The following PCDHA7 variants were observed in gnomAD, a reference collection of about 807,000 sequenced individuals.
PCDHA7 encodes protocadherin alpha-7.
A neutral mutation model predicts 57.2 loss-of-function variants in PCDHA7; 37 were observed. That is an observed-to-expected ratio of 0.65 (90% CI 0.50 to 0.85). The LOEUF is 0.85. Ranked by LOEUF, PCDHA7 falls within the 40% of genes least tolerant of loss-of-function variation. The pLI is 0.00. For missense variants in PCDHA7, 1,188 were observed against 1,241.8 expected (o/e 0.96, Z 0.65); for synonymous variants, 553 against 558.8 (o/e 0.99, Z 0.15).
At chr5:140,940,390 T>C (rs2092601477) in intron 1 of PCDHA7, among the ~76,000 whole-genome samples, 1 of 152,194 alleles carries the variant, frequency 6.6e-6, no homozygotes. Flanking sequence ...ATTTTGGTTA[T>C]TGTGTTTTTC....
rs782699904 is a variant in PCDHA7 at position 140,969,414 on chromosome 5, G to A, written c.2356-9535G>A. The A allele has an allele frequency of 6.4e-6, 10 of 1,566,012 alleles. No homozygotes were observed. The Admixed American group carries it at 1.3e-4, about 21-fold the overall frequency. On this transcript the variant is annotated intron_variant, in intron 1 of 3. Coordinates refer to ENST00000525929, the MANE Select transcript of PCDHA7 (RefSeq NM_018910.3). ...ATATCCTGTGATTTGGCTTTATTGA[G>A]TCATTAACAGTGACAAGAGTTATCT...
At chr5:140,907,287 G>C (rs1179027055) in intron 1 of PCDHA7, among the ~76,000 whole-genome samples, 1 of 152,178 alleles carries the variant, frequency 6.6e-6, no homozygotes, top group Non-Finnish European at 1.5e-5. Flanking sequence ...TATCAATCCA[G>C]CTGCTTCAGG....
intron 1 of PCDHA7, among the ~76,000 whole-genome samples, chr5:140,913,117 G>T (rs1055437222): frequency 1.3e-5 from 2 of 152,144 alleles, no homozygotes; most frequent in Non-Finnish European, 2.9e-5. Flanking sequence ...CAGTTTGGAA[G>T]TTAACCCCTC....
Position 140,836,717 on chromosome 5 carries a change from G to A in PCDHA7, c.2334G>A (p.Gln778=). The A allele has an allele frequency of 6.2e-7, 1 of 1,612,788 alleles. No individual in the cohort carries two copies. Among genetic ancestry groups the A allele is most frequent in the South Asian group, 1.1e-5 (1 of 91,022 alleles). Residue 778 remains glutamine, a synonymous_variant, in exon 1 of 4, where the codon CAG becomes CAA. Coordinates refer to ENST00000525929, the MANE Select transcript of PCDHA7 (RefSeq NM_018910.3). ...TGGCCTTCAGTCCCAGCCTTCCTCA[G>A]GGTCCATCCTCTACAGACAATGTGA... ...DLMAFSPSLP[Q]GPSSTDNPRQ...
chr5:140,856,715 G>T (rs1233191211), intron 1 of PCDHA7: 1 of 1,596,328 alleles, frequency 6.3e-7, no homozygotes, highest in African/African-American at 1.3e-5. Flanking sequence ...TGAATTTACC[G>T]GATCTGTTTC....
At position 140,851,057 on chromosome 5, in the gene PCDHA7, C is replaced by T; in HGVS notation, c.2355+14319C>T. The T allele has an allele frequency of 2.9e-6, 4 of 1,378,132 alleles. No homozygotes were observed. In the African/African-American group the frequency reaches 4.4e-5, roughly 15 times the overall value. 85.4% of individuals were successfully genotyped at this position (1,378,132 alleles called of 1,614,324 possible). ...AACATTGGAGCCGACTTTGTCTTGA[C>T]TTCTAGTGAGAATTATAAACTGTAT... On this transcript the variant is annotated intron_variant, in intron 1 of 3. Transcript: ENST00000525929.
At chr5:140,968,508 A>C (rs977964716) in intron 1 of PCDHA7, 1 of 1,613,950 alleles carries the variant, frequency 6.2e-7, no homozygotes, top group African/African-American at 1.3e-5. Context: ...CACATTCTGT[A>C]CCCTACCTCA....
chr5:140,973,486 C>G (rs1404281642), intron 1 of PCDHA7, among the ~76,000 whole-genome samples: 1 of 152,162 alleles, frequency 6.6e-6, no homozygotes, highest in African/African-American at 2.4e-5. Context: ...ATATTGGTCA[C>G]AGGACTCTTC....
chr5:141,002,023 G>GC (rs1479327416), intron 3 of PCDHA7, among the ~76,000 whole-genome samples: 4 of 152,186 alleles, frequency 2.6e-5, no homozygotes, highest in Admixed American at 6.5e-5. Flanking sequence ...ACAGCCTTCG[G>GC]TGCCCTGACT....
chr5:140,878,274 C>G (rs1273765492), intron 1 of PCDHA7, among the ~76,000 whole-genome samples: 3 of 152,092 alleles, frequency 2.0e-5, no homozygotes, highest in Non-Finnish European at 1.5e-5. Flanking sequence ...TTTAAAATAG[C>G]CTTCTTGATC....
At chr5:140,848,730 C>A (rs2150418805) in intron 1 of PCDHA7, 1 of 1,592,792 alleles carries the variant, frequency 6.3e-7, no homozygotes, top group Non-Finnish European at 8.6e-7. Context: ...GGAGGTAAAT[C>A]TGCAGAATGG....
intron 1 of PCDHA7, chr5:140,843,225 G>T: frequency 6.3e-7 from 1 of 1,596,120 alleles, no homozygotes; most frequent in East Asian, 2.2e-5. Flanking sequence ...AGCACCACTC[G>T]TGTCCTGGAC....
At chr5:140,937,326 C>G (rs1287239556) in intron 1 of PCDHA7, among the ~76,000 whole-genome samples, 2 of 152,046 alleles carry the variant, frequency 1.3e-5, no homozygotes, top group Non-Finnish European at 2.9e-5. Flanking sequence ...CGTGAGCCAC[C>G]GCGCCCGGCT....
chr5:140,919,258 A>G (rs2079053720), intron 1 of PCDHA7, among the ~76,000 whole-genome samples: 1 of 152,178 alleles, frequency 6.6e-6, no homozygotes, highest in African/African-American at 2.4e-5. Flanking sequence ...TTTGTCTGAT[A>G]TTAGTGTAGT....
chr5:140,858,306 G>A (rs1554151408), intron 1 of PCDHA7: 3 of 1,597,282 alleles, frequency 1.9e-6, no homozygotes, highest in South Asian at 1.1e-5. Flanking sequence ...CAGCAGAGGC[G>A]GCAGAGGGTG....
At position 140,969,519 on chromosome 5, in the gene PCDHA7, G is replaced by A. The variant is rs1586385280; in HGVS notation, c.2356-9430G>A. On this transcript the variant is annotated intron_variant, in intron 1 of 3. Transcript: ENST00000525929. ...TCTAGAAAAATAGCACTAAAGAATTGTTTTATTTTTCATTTTCAGAGGCAT... is the reference window on the plus strand; with the variant it reads ...TCTAGAAAAATAGCACTAAAGAATTATTTTATTTTTCATTTTCAGAGGCAT... The A allele has an allele frequency of 3.6e-6, 5 of 1,406,074 alleles. No individual in the cohort carries two copies. The East Asian group carries it at 1.3e-4, about 35-fold the overall frequency. 87.1% of individuals were successfully genotyped at this position (1,406,074 alleles called of 1,614,324 possible). A position where few individuals can be genotyped will look rare whatever the true frequency, so the allele number is the denominator to read the frequency against.
intron 1 of PCDHA7, chr5:140,857,571 C>A (rs782707848): frequency 7.5e-6 from 12 of 1,596,630 alleles, no homozygotes; most frequent in Non-Finnish European, 9.4e-6. Flanking sequence ...AGCTACGTGT[C>A]GGTGCACGCG....
intron 1 of PCDHA7, chr5:140,875,864 C>A (rs781972677): frequency 3.7e-6 from 6 of 1,614,168 alleles, no homozygotes; most frequent in Admixed American, 3.3e-5. Context: ...GACAACCCGC[C>A]GGTGTTCAGA....
rs188637090 is a variant in PCDHA7 at position 140,876,765 on chromosome 5, C to T, written c.2355+40027C>T. 1,055 of 1,614,234 alleles carry T rather than the reference C, an allele frequency of 6.5e-4. 5 individuals are homozygous for T. The African/African-American group carries it at 0.01, about 15-fold the overall frequency. ...TGGTGGTGACTGCGCGGGATGGGGG[C>T]TCGCCTTCGCTGTGGGCCACGGCTA... On this transcript the variant is annotated intron_variant, in intron 1 of 3. Transcript: ENST00000525929.
Sources: allele counts gnomAD v4.1 joint callset (sites outside exome capture counted in the v4.1 genomes callset), GRCh38; gene constraint gnomAD v4.1.1; transcripts MANE v1.5; gene names NCBI Gene and HGNC (gene_info 2026-07-23, HGNC 2026-07-21).